The following NRXN1 variants were observed in gnomAD, a reference collection of about 807,000 sequenced individuals.
The protein encoded by NRXN1 is neurexin-1.
Under a neutral mutation model 150.9 loss-of-function variants are expected in NRXN1, and 39 were observed. That is an observed-to-expected ratio of 0.26 (90% CI 0.20 to 0.34). NRXN1 has a LOEUF of 0.34. NRXN1 is among the 10% of genes least tolerant of loss of function. The probability of loss-of-function intolerance (pLI) is 1.00; values close to 1 mark genes in which losing one functional copy is unlikely to be tolerated. For synonymous variants in NRXN1, 924 were observed against 757.0 expected (o/e 1.22, Z -3.62); for missense variants, 1,815 against 1,949.9 (o/e 0.93, Z 1.30).
intron 17 of NRXN1, among the ~76,000 whole-genome samples, chr2:50,425,490 T>G (rs989257991): frequency 6.6e-6 from 1 of 152,166 alleles, no homozygotes; most frequent in African/African-American, 2.4e-5. Context: ...TTATTTTTAT[T>G]TCTGAAAAGC....
chr2:50,802,068 AG>A (rs1258119366), intron 5 of NRXN1, among the ~76,000 whole-genome samples: 1 of 152,200 alleles, frequency 6.6e-6, no homozygotes, highest in African/African-American at 2.4e-5. Flanking sequence ...ACCCAACAAA[AG>A]AAAATAATAT....
intron 17 of NRXN1, among the ~76,000 whole-genome samples, chr2:50,242,206 C>A (rs1427490948): frequency 6.6e-6 from 1 of 151,664 alleles, no homozygotes. Flanking sequence ...GTAAGGGGAA[C>A]CTTTATTCTT....
intron 18 of NRXN1, among the ~76,000 whole-genome samples, chr2:50,127,260 G>A (rs138138972): frequency 6.5e-4 from 99 of 152,124 alleles, no homozygotes; most frequent in African/African-American, 2.2e-3. Context: ...ATTAAAATAT[G>A]TTCTCTATTT....
At chr2:49,950,664 A>C (rs905407178) in intron 21 of NRXN1, among the ~76,000 whole-genome samples, 9 of 151,978 alleles carry the variant, frequency 5.9e-5, no homozygotes, top group African/African-American at 2.2e-4. Context: ...GGAATGTAAC[A>C]ATGTTCCCAT....
chr2:50,870,976 T>A (rs1215421554), intron 5 of NRXN1, among the ~76,000 whole-genome samples: 1 of 151,932 alleles, frequency 6.6e-6, no homozygotes, highest in African/African-American at 2.4e-5. Flanking sequence ...TGCTGTGGGA[T>A]TTTAAAGTAC....
intron 2 of NRXN1, chr2:50,985,558 T>C (rs1369148638): frequency 1.3e-5 from 2 of 151,394 alleles, no homozygotes; most frequent in African/African-American, 2.4e-5. Context: ...AATATTAATA[T>C]CAATGAAACC....
intron 21 of NRXN1, among the ~76,000 whole-genome samples, chr2:50,050,788 T>C (rs1573615066): frequency 4.0e-5 from 1 of 25,128 alleles, no homozygotes; most frequent in East Asian, 1.4e-3. Context: ...TTCCCTAATG[T>C]TTTTTCCCCA....
intron 18 of NRXN1, among the ~76,000 whole-genome samples, chr2:50,118,139 T>A (rs1442750108): frequency 6.6e-6 from 1 of 152,186 alleles, no homozygotes; most frequent in Admixed American, 6.5e-5. Flanking sequence ...ACAGAATGTG[T>A]CCGTTAGTAA....
intron 17 of NRXN1, among the ~76,000 whole-genome samples, chr2:50,421,617 A>G (rs953028122): frequency 2.6e-5 from 4 of 152,142 alleles, no homozygotes; most frequent in Admixed American, 2.6e-4. Context: ...AATTAGCAAG[A>G]TTTAATTTAT....
intron 18 of NRXN1, among the ~76,000 whole-genome samples, chr2:50,141,714 ATAAC>A (rs1707298788): frequency 6.6e-6 from 1 of 152,064 alleles, no homozygotes; most frequent in Admixed American, 6.6e-5. Context: ...AGTGTTCAAT[ATAAC>A]TAATCATCAG....
chr2:50,084,524 G>T (rs367784736), intron 19 of NRXN1, among the ~76,000 whole-genome samples: 2 of 152,158 alleles, frequency 1.3e-5, no homozygotes, highest in African/African-American at 4.8e-5. Flanking sequence ...CCAAGCCCAC[G>T]CTCACCAGGA....
chr2:50,451,412 G>C (rs1162316503), intron 17 of NRXN1, among the ~76,000 whole-genome samples: 4 of 152,088 alleles, frequency 2.6e-5, no homozygotes, highest in African/African-American at 9.7e-5. Context: ...CACTGAACGA[G>C]GTATACAAAG....
chr2:50,247,424 C>G (rs535251034), intron 17 of NRXN1, among the ~76,000 whole-genome samples: 1 of 152,206 alleles, frequency 6.6e-6, no homozygotes, highest in Non-Finnish European at 1.5e-5. Context: ...ACAGATAGCA[C>G]CTTAACCAGG....
intron 17 of NRXN1, among the ~76,000 whole-genome samples, chr2:50,350,115 T>G (rs566865574): frequency 4.0e-4 from 61 of 152,310 alleles, no homozygotes; most frequent in African/African-American, 1.4e-3. Flanking sequence ...CCTGCAAACC[T>G]CTGATCACAT....
intron 21 of NRXN1, chr2:49,974,142 C>T (rs1269684796): frequency 1.4e-6 from 1 of 714,222 alleles, no homozygotes; most frequent in East Asian, 2.7e-5. Context: ...GATAAATTGC[C>T]TGCGCATCAG....
In NRXN1 at chr2:50,406,957, C is replaced by T. The variant is rs553307857; in HGVS notation, c.3364+58485G>A. Among the ~76,000 whole-genome samples, 11 of 152,272 alleles carry T rather than the reference C, an allele frequency of 7.2e-5. No homozygotes were observed. The South Asian group carries it at 1.9e-3, about 26-fold the overall frequency. On this transcript the variant is annotated intron_variant, in intron 17 of 22. Transcript: ENST00000401669. ...TGGGAAACAGAAAAACCTCAACTCACAGCTTCAAGAACTTGAAAAGCCCTA... is the reference window on the plus strand; with the variant it reads ...TGGGAAACAGAAAAACCTCAACTCATAGCTTCAAGAACTTGAAAAGCCCTA...
At chr2:50,248,351 T>C (rs191146081) in intron 17 of NRXN1, among the ~76,000 whole-genome samples, 9 of 152,284 alleles carry the variant, frequency 5.9e-5, no homozygotes, top group Admixed American at 2.6e-4. Context: ...TGGGAATTTA[T>C]GCAAGAGAGG....
chr2:50,697,876 C>T (rs1213268792), intron 5 of NRXN1, among the ~76,000 whole-genome samples: 1 of 152,094 alleles, frequency 6.6e-6, no homozygotes, highest in Admixed American at 6.6e-5. Context: ...ACCAGCTGTT[C>T]CCCCAAAGTA....
intron 21 of NRXN1, among the ~76,000 whole-genome samples, chr2:50,022,475 T>A (rs928293143): frequency 1.3e-5 from 2 of 152,182 alleles, no homozygotes; most frequent in African/African-American, 4.8e-5. Context: ...TCAAGAATCT[T>A]TTCTTCCCCA....
Sources: allele counts gnomAD v4.1 joint callset (sites outside exome capture counted in the v4.1 genomes callset), GRCh38; gene constraint gnomAD v4.1.1; transcripts MANE v1.5; gene names NCBI Gene and HGNC (gene_info 2026-07-23, HGNC 2026-07-21).